TASP1: variants seen among roughly 807,000 people sequenced by gnomAD.
TASP1 encodes the protein taspase 1, also known as threonine aspartase 1.
A neutral mutation model predicts 56.6 loss-of-function variants in TASP1; 16 were observed. The ratio of observed to expected loss-of-function variants is 0.28; its 90% CI spans 0.19 to 0.43. TASP1 has a LOEUF of 0.43. Ranked by LOEUF, TASP1 falls within the 20% of genes least tolerant of loss-of-function variation. TASP1 has a pLI of 1.00. For missense variants in TASP1, 393 were observed against 511.6 expected (o/e 0.77, Z 2.24); for synonymous variants, 179 against 184.2 (o/e 0.97, Z 0.23).
At chr20:13,303,871 T>A in the TASP1 span, among the ~76,000 whole-genome samples, 1 of 152,240 alleles carries the variant, frequency 6.6e-6, no homozygotes, top group African/African-American at 2.4e-5. Flanking sequence ...CACACATGTA[T>A]GATGTTACAT....
chr20:13,286,413 A>T, the TASP1 span, among the ~76,000 whole-genome samples: 1 of 151,998 alleles, frequency 6.6e-6, no homozygotes, highest in Admixed American at 6.6e-5. Context: ...CCAATAAGAG[A>T]TGGTAGAGAG....
the TASP1 span, among the ~76,000 whole-genome samples, chr20:13,346,287 A>G: frequency 2.0e-5 from 3 of 152,244 alleles, no homozygotes; most frequent in Admixed American, 6.5e-5. Context: ...AAATCCAAGT[A>G]TCTCCTCCTC....
chr20:13,426,100 T>C (rs368245379), intron 12 of TASP1, among the ~76,000 whole-genome samples: 2 of 152,312 alleles, frequency 1.3e-5, no homozygotes, highest in Admixed American at 6.5e-5. Context: ...GTGGGTCAAA[T>C]AGTAACAAAA....
At chr20:13,559,994 G>C (rs1358754280) in intron 7 of TASP1, among the ~76,000 whole-genome samples, 1 of 152,138 alleles carries the variant, frequency 6.6e-6, no homozygotes, top group African/African-American at 2.4e-5. Context: ...TATGCTCAGA[G>C]AAAGAAAAGA....
the TASP1 span, among the ~76,000 whole-genome samples, chr20:13,237,230 T>C: frequency 2.0e-5 from 3 of 152,144 alleles, no homozygotes; most frequent in Non-Finnish European, 4.4e-5. Flanking sequence ...GCCCAGCAAT[T>C]CCACCTGAGT....
chr20:13,125,961 C>T, the TASP1 span, among the ~76,000 whole-genome samples: 2 of 152,166 alleles, frequency 1.3e-5, no homozygotes, highest in East Asian at 1.9e-4. Context: ...CTATACATGC[C>T]TTCTGCTTTC....
At chr20:13,621,440 T>C (rs532861951) in intron 4 of TASP1, among the ~76,000 whole-genome samples, 101 of 152,072 alleles carry the variant, frequency 6.6e-4, no homozygotes, top group Admixed American at 2.0e-3. Context: ...CAAAAATATA[T>C]ATATAAAAAA....
the TASP1 span, among the ~76,000 whole-genome samples, chr20:13,186,629 T>C: frequency 6.6e-6 from 1 of 152,166 alleles, no homozygotes; most frequent in Non-Finnish European, 1.5e-5. Flanking sequence ...TCCATTATAA[T>C]GACAATATAT....
chr20:13,126,300 T>C, the TASP1 span, among the ~76,000 whole-genome samples: 2 of 152,248 alleles, frequency 1.3e-5, no homozygotes, highest in Non-Finnish European at 2.9e-5. Flanking sequence ...ACTCAACAAA[T>C]GCTTCAGGAA....
At chr20:13,417,003 A>G (rs962536160) in intron 13 of TASP1, among the ~76,000 whole-genome samples, 9 of 152,232 alleles carry the variant, frequency 5.9e-5, no homozygotes, top group African/African-American at 2.2e-4. Context: ...ATTTGCAAGC[A>G]TGTCAGCCAC....
chr20:13,621,328 G>A (rs1377416894), intron 4 of TASP1, among the ~76,000 whole-genome samples: 3 of 152,144 alleles, frequency 2.0e-5, no homozygotes, highest in Non-Finnish European at 4.4e-5. Flanking sequence ...CTACACGGGA[G>A]GCTGAGGCAC....
intron 4 of TASP1, among the ~76,000 whole-genome samples, chr20:13,597,901 G>C (rs1601392044): frequency 6.6e-6 from 1 of 152,154 alleles, no homozygotes. Flanking sequence ...GACAAACAGA[G>C]AGCCAAATCA....
chr20:13,500,334 G>C (rs1225831119), intron 10 of TASP1, among the ~76,000 whole-genome samples: 1 of 145,558 alleles, frequency 6.9e-6, no homozygotes, highest in African/African-American at 2.6e-5. Context: ...CTTTTTCAGA[G>C]GCAAATATCT....
chr20:13,545,656 A>ATTT (rs1300181846), intron 8 of TASP1, among the ~76,000 whole-genome samples: 5 of 131,232 alleles, frequency 3.8e-5, no homozygotes, highest in Admixed American at 3.1e-4. Context: ...TTTTTTTTTA[A>ATTT]AATATCTTAC....
the TASP1 span, among the ~76,000 whole-genome samples, chr20:13,278,247 G>A: frequency 8.5e-5 from 13 of 152,230 alleles, no homozygotes; most frequent in Admixed American, 3.9e-4. Flanking sequence ...TTCCAGCCCC[G>A]TGACAGACTT....
intron 1 of TASP1, among the ~76,000 whole-genome samples, chr20:13,635,437 G>C (rs528438631): frequency 1.5e-4 from 23 of 149,776 alleles, no homozygotes; most frequent in African/African-American, 4.5e-4. Flanking sequence ...GCCTAGGCTG[G>C]AGTGCAGTGG....
At chr20:13,252,053 G>A in the TASP1 span, among the ~76,000 whole-genome samples, 35 of 152,326 alleles carry the variant, frequency 2.3e-4, no homozygotes, top group Admixed American at 7.8e-4. Context: ...CCAGTTGGGG[G>A]CTGTGAGATT....
At chr20:13,550,094 G>A (rs2045928960) in intron 8 of TASP1, among the ~76,000 whole-genome samples, 1 of 150,372 alleles carries the variant, frequency 6.7e-6, no homozygotes, top group African/African-American at 2.4e-5. Flanking sequence ...CCTAGGTATT[G>A]AATCTTTATA....
chr20:13,567,323 T>C (rs1207817220), intron 7 of TASP1, among the ~76,000 whole-genome samples: 1 of 152,002 alleles, frequency 6.6e-6, no homozygotes, highest in Non-Finnish European at 1.5e-5. Context: ...AAAGGGCACT[T>C]AGCTTAATAC....
Sources: gnomAD v4.1 joint callset for allele counts (sites outside exome capture counted in the v4.1 genomes callset) on GRCh38, gnomAD v4.1.1 for gene constraint, MANE v1.5 for transcripts, NCBI Gene and HGNC (gene_info 2026-07-23, HGNC 2026-07-21) for gene names.